TENM2: variants seen among roughly 807,000 people sequenced by gnomAD.
TENM2 encodes the protein teneurin-2.
TENM2 carries 52 observed loss-of-function variants against 245.2 expected under a neutral mutation model. The observed-to-expected ratio is 0.21, with a 90% CI of 0.17 to 0.27. The LOEUF is 0.27. TENM2 is among the 10% of genes least tolerant of loss of function. The pLI is 1.00. For missense variants in TENM2, 3,046 were observed against 3,666.8 expected (o/e 0.83, Z 4.37); for synonymous variants, 1,363 against 1,438.9 (o/e 0.95, Z 1.19).
intron 5 of TENM2, 24 bp from the exon 8 acceptor site, chr5:168,047,403 T>C: frequency 5.8e-6 from 9 of 1,551,652 alleles, no homozygotes; most frequent in Non-Finnish European, 7.8e-6. Flanking sequence ...TATTCATATT[T>C]TCATTACTTT....
intron 3 of TENM2, among the ~76,000 whole-genome samples, chr5:167,919,282 C>T (rs1002021672): frequency 1.3e-5 from 2 of 152,160 alleles, no homozygotes; most frequent in African/African-American, 4.8e-5. Context: ...GTTGTGCTGT[C>T]GAGAGTGTGG....
intron 2 of TENM2, among the ~76,000 whole-genome samples, chr5:167,708,036 G>A (rs1387664733): frequency 6.6e-6 from 1 of 152,182 alleles, no homozygotes; most frequent in East Asian, 1.9e-4. Flanking sequence ...GCCTTGCTAT[G>A]TTTAAATTCA....
chr5:167,563,485 C>T (rs1773721715), intron 2 of TENM2, among the ~76,000 whole-genome samples: 1 of 152,146 alleles, frequency 6.6e-6, no homozygotes. Flanking sequence ...TCTCGTAAAT[C>T]TTTGTAAGTT....
chr5:167,378,805 T>C (rs1216183764), intron 2 of TENM2, among the ~76,000 whole-genome samples: 1 of 151,916 alleles, frequency 6.6e-6, no homozygotes, highest in East Asian at 1.9e-4. Context: ...CTAAAAAATC[T>C]TGTCTATGTT....
intron 7 of TENM2, among the ~76,000 whole-genome samples, chr5:168,073,477 G>C (rs1562123946): frequency 6.6e-6 from 1 of 152,170 alleles, no homozygotes; most frequent in Non-Finnish European, 1.5e-5. Context: ...CCGAAACTCT[G>C]CTTTGCTTTA....
chr5:168,077,254 T>C (rs985492617), intron 7 of TENM2, among the ~76,000 whole-genome samples: 9 of 152,180 alleles, frequency 5.9e-5, no homozygotes, highest in Non-Finnish European at 1.3e-4. Context: ...GATTATGTCC[T>C]TTAAGTAGCT....
chr5:167,883,515 C>T (rs1440702903), intron 3 of TENM2, among the ~76,000 whole-genome samples: 1 of 152,222 alleles, frequency 6.6e-6, no homozygotes, highest in Non-Finnish European at 1.5e-5. Context: ...ACAGGTAATT[C>T]CTTTGGAGAT....
chr5:167,372,517 T>C (rs1238241558), intron 1 of TENM2, among the ~76,000 whole-genome samples: 1 of 152,188 alleles, frequency 6.6e-6, no homozygotes, highest in African/African-American at 2.4e-5. Context: ...AACTTTTCCT[T>C]CTTTCCTGAG....
At position 167,366,887 on chromosome 5, in the gene TENM2, T is replaced by C. The variant is rs148072910; in HGVS notation, c.227-8311T>C. Among the ~76,000 whole-genome samples the C allele has an allele frequency of 1.1e-4, 16 of 152,318 alleles. No homozygotes were observed. In the East Asian group the frequency reaches 2.9e-3, roughly 28 times the overall value. Reference sequence around the variant, plus strand: ...TCTCACATAGGATAACTGATTGGTATAGTTTTTAATACTGAAATTGATTTT... The same window carrying C: ...TCTCACATAGGATAACTGATTGGTACAGTTTTTAATACTGAAATTGATTTT... On this transcript the variant is annotated intron_variant, in intron 1 of 28. Transcript: ENST00000518659.
chr5:168,144,223 A>G (rs1445341427), intron 12 of TENM2, among the ~76,000 whole-genome samples: 2 of 151,754 alleles, frequency 1.3e-5, no homozygotes, highest in African/African-American at 4.8e-5. Flanking sequence ...GTACATGTGC[A>G]CATTGTGCAG....
the TENM2 span, among the ~76,000 whole-genome samples, chr5:167,225,763 G>A: frequency 6.6e-6 from 1 of 151,976 alleles, no homozygotes; most frequent in South Asian, 2.1e-4. Flanking sequence ...TTATTCATTT[G>A]GTAGAATTCA....
chr5:167,501,270 G>T (rs1404495147), intron 2 of TENM2, among the ~76,000 whole-genome samples: 2 of 151,922 alleles, frequency 1.3e-5, no homozygotes, highest in Admixed American at 6.6e-5. Context: ...CATTTCCATG[G>T]GCTGGCCTTG....
At chr5:168,183,384 A>G (rs528841344) in intron 13 of TENM2, among the ~76,000 whole-genome samples, 1 of 100,256 alleles carries the variant, frequency 1.0e-5, no homozygotes, top group South Asian at 3.5e-4. Flanking sequence ...GCCCAGCACA[A>G]AAAAAAAAAT....
At chr5:167,667,304 G>A (rs530958164) in intron 2 of TENM2, among the ~76,000 whole-genome samples, 1 of 152,186 alleles carries the variant, frequency 6.6e-6, no homozygotes, top group South Asian at 2.1e-4. Context: ...GTTTCATTAG[G>A]CTTCATCTTC....
rs952261606 is a variant in TENM2, at chr5:167,520,316, T to A, written c.502+144843T>A. On this transcript the variant is annotated intron_variant, in intron 2 of 28. Transcript: ENST00000518659. ...ACAAAGTGGTTATGAAACAGCAGGA[T>A]CTCGGCAGGAAGTAAAGAGATATCT... Among the ~76,000 whole-genome samples, 7 of 152,182 alleles carry A rather than the reference T, an allele frequency of 4.6e-5. No individual in the cohort carries two copies. In the South Asian group the frequency reaches 1.4e-3, roughly 31 times the overall value.
chr5:167,109,676 T>A, the TENM2 span, among the ~76,000 whole-genome samples: 1 of 152,036 alleles, frequency 6.6e-6, no homozygotes, highest in Non-Finnish European at 1.5e-5. Flanking sequence ...TTCTTTGGTT[T>A]TTCAGTGCTA....
At chr5:167,204,903 A>C in the TENM2 span, among the ~76,000 whole-genome samples, 1 of 152,234 alleles carries the variant, frequency 6.6e-6, no homozygotes, top group Non-Finnish European at 1.5e-5. Context: ...GACTGGGTTA[A>C]CTGAAAGCTT....
rs140172124 is a variant in TENM2 at position 167,862,326 on chromosome 5, G to A, written c.503-13660G>A. 1.9e-3 allele frequency among the ~76,000 whole-genome samples: 284 copies of A among 152,076 alleles called. 1 individual carries two copies. Among genetic ancestry groups the A allele is most frequent in the African/African-American group, 6.5e-3 (270 of 41,502 alleles). On this transcript the variant is annotated intron_variant, in intron 2 of 28. Transcript: ENST00000518659. ...ATATAACAGCAACTTGTTGGGAGCCGAACTAAAACATCTTCATTATCCAGC... is the reference window on the plus strand; with the variant it reads ...ATATAACAGCAACTTGTTGGGAGCCAAACTAAAACATCTTCATTATCCAGC...
At chr5:167,689,721 A>C (rs1350706945) in intron 2 of TENM2, among the ~76,000 whole-genome samples, 1 of 152,162 alleles carries the variant, frequency 6.6e-6, no homozygotes, top group East Asian at 1.9e-4. Flanking sequence ...GAAAGGGGAG[A>C]GTCCTGAACA....
Sources: allele counts gnomAD v4.1 joint callset (sites outside exome capture counted in the v4.1 genomes callset), GRCh38; gene constraint gnomAD v4.1.1; transcripts MANE v1.5; gene names NCBI Gene and HGNC (gene_info 2026-07-23, HGNC 2026-07-21).